The following METAP1 variants were observed in gnomAD, a reference collection of about 807,000 sequenced individuals.
METAP1 encodes the protein methionine aminopeptidase 1.
METAP1 carries 28 observed loss-of-function variants against 53.8 expected under a neutral mutation model. The observed-to-expected ratio is 0.52, with a 90% CI of 0.39 to 0.71. The LOEUF is 0.71. Among genes scored for constraint, METAP1 ranks in the 30% least tolerant of loss-of-function variants. The probability of loss-of-function intolerance (pLI) is 0.00; values close to 1 mark genes in which losing one functional copy is unlikely to be tolerated. For synonymous variants in METAP1, 181 were observed against 165.7 expected (o/e 1.09, Z -0.71); for missense variants, 389 against 479.8 (o/e 0.81, Z 1.77).
intron 6 of METAP1, among the ~76,000 whole-genome samples, chr4:99,042,621 T>C (rs143463453): frequency 5.9e-5 from 9 of 152,274 alleles, no homozygotes; most frequent in African/African-American, 1.7e-4. Context: ...CATAGTGATA[T>C]AGGCTTGTTT....
At chr4:99,027,334 A>G (rs1409640455) in intron 1 of METAP1, among the ~76,000 whole-genome samples, 1 of 151,094 alleles carries the variant, frequency 6.6e-6, no homozygotes, top group Non-Finnish European at 1.5e-5. Flanking sequence ...GGAAAAGGAG[A>G]TGGGGAAATG....
At chr4:99,019,134 C>A (rs1723941914) in intron 1 of METAP1, among the ~76,000 whole-genome samples, 1 of 152,192 alleles carries the variant, frequency 6.6e-6, no homozygotes, top group Admixed American at 6.5e-5. Flanking sequence ...TCTATATCTT[C>A]TAGGATTTTG....
At chr4:99,008,064 G>A (rs1231284547) in intron 1 of METAP1, among the ~76,000 whole-genome samples, 3 of 152,192 alleles carry the variant, frequency 2.0e-5, no homozygotes, top group Non-Finnish European at 2.9e-5. Context: ...GTTTTTAAAA[G>A]CAGCACACTA....
At chr4:99,025,614 A>G (rs1472170819) in intron 1 of METAP1, 1 of 500,330 alleles carries the variant, frequency 2.0e-6, no homozygotes, top group African/African-American at 2.1e-5. Flanking sequence ...CCAAAAAAAT[A>G]AAATTTGAAC....
Position 99,013,839 on chromosome 4 carries a change from A to C in METAP1, c.115-15028A>C, listed in dbSNP as rs183745014. Among the ~76,000 whole-genome samples the C allele has an allele frequency of 1.5e-3, 236 of 152,350 alleles. 1 individual carries two copies. Among genetic ancestry groups the C allele is most frequent in the African/African-American group, 5.6e-3 (231 of 41,590 alleles). On this transcript the variant is annotated intron_variant, in intron 1 of 10. Coordinates refer to ENST00000296411, the MANE Select transcript of METAP1 (RefSeq NM_015143.3). ...GAACAAGCTGGAGCAGCCTTGGAAT[A>C]CACACATCCTAACATTTAACCGGGG...
At chr4:99,041,813 T>A (rs1725888931) in intron 6 of METAP1, among the ~76,000 whole-genome samples, 1 of 151,644 alleles carries the variant, frequency 6.6e-6, no homozygotes, top group South Asian at 2.1e-4. Context: ...GTGATGGTAT[T>A]GTAAATTGGA....
At chr4:99,016,751 A>G (rs1220515778) in intron 1 of METAP1, among the ~76,000 whole-genome samples, 1 of 152,210 alleles carries the variant, frequency 6.6e-6, no homozygotes, top group Non-Finnish European at 1.5e-5. Context: ...TCTGCTTATT[A>G]GTTTTCTTAC....
intron 9 of METAP1, among the ~76,000 whole-genome samples, chr4:99,052,046 T>C (rs1169856749): frequency 6.6e-6 from 1 of 152,234 alleles, no homozygotes; most frequent in African/African-American, 2.4e-5. Flanking sequence ...ACCCTTGCAA[T>C]ATAGTGAATA....
At chr4:99,026,269 A>G (rs923684189) in intron 1 of METAP1, 7 of 985,210 alleles carry the variant, frequency 7.1e-6, no homozygotes, top group Non-Finnish European at 8.4e-6. Flanking sequence ...ATTGAAAACT[A>G]AAGTTTTACC....
At chr4:99,048,186 A>G (rs1726411130) in intron 8 of METAP1, among the ~76,000 whole-genome samples, 1 of 152,106 alleles carries the variant, frequency 6.6e-6, no homozygotes, top group East Asian at 1.9e-4. Context: ...CCTACTTCCA[A>G]CCCTTTAGTG....
chr4:99,051,762 TA>T (rs1434172662), intron 9 of METAP1, among the ~76,000 whole-genome samples: 6 of 152,096 alleles, frequency 3.9e-5, no homozygotes, highest in Non-Finnish European at 2.9e-5. Flanking sequence ...AGGGAAGTAT[TA>T]AACTATTGAG....
chr4:99,051,801 T>C (rs1212973615), intron 9 of METAP1, among the ~76,000 whole-genome samples: 2 of 152,072 alleles, frequency 1.3e-5, no homozygotes, highest in East Asian at 1.9e-4. Flanking sequence ...AGCAGAGATA[T>C]CTTTTGAAAT....
In METAP1 at chr4:99,039,549, A is replaced by G. The variant is rs1725691530; in HGVS notation, c.432+84A>G. On this transcript the variant is annotated intron_variant, in intron 5 of 10. Coordinates refer to ENST00000296411, the MANE Select transcript of METAP1 (RefSeq NM_015143.3). Reference sequence around the variant, plus strand: ...GTCAGTGGTTTGCTGATTTATAAAGATAGCAAATGTTATATTGTTAGACTG... The same window carrying G: ...GTCAGTGGTTTGCTGATTTATAAAGGTAGCAAATGTTATATTGTTAGACTG... The G allele has an allele frequency of 1.0e-5, 8 of 791,096 alleles. No homozygotes were observed. The South Asian group carries it at 1.4e-4, about 14-fold the overall frequency. 49.0% of individuals were successfully genotyped at this position (791,096 alleles called of 1,614,324 possible).
intron 9 of METAP1, among the ~76,000 whole-genome samples, chr4:99,053,960 C>T (rs1726911664): frequency 6.7e-6 from 1 of 148,910 alleles, no homozygotes; most frequent in African/African-American, 2.6e-5. Flanking sequence ...GAGGTGCTGT[C>T]ATCCAGGCTT....
chr4:99,035,748 A>T (rs1031784375), intron 4 of METAP1, among the ~76,000 whole-genome samples: 2 of 152,102 alleles, frequency 1.3e-5, no homozygotes, highest in South Asian at 4.1e-4. Flanking sequence ...TTTAATTTTA[A>T]TATTCCCTCC....
chr4:99,040,887 A>G (rs1179503064), intron 5 of METAP1, among the ~76,000 whole-genome samples, 156 bp from the exon 6 acceptor site: 1 of 150,876 alleles, frequency 6.6e-6, no homozygotes, highest in Non-Finnish European at 1.5e-5. Flanking sequence ...GTTTGTTTTT[A>G]TGTATTTACA....
At chr4:99,051,142 A>G (rs114794578) in intron 9 of METAP1, among the ~76,000 whole-genome samples, 1 of 152,264 alleles carries the variant, frequency 6.6e-6, no homozygotes, top group African/African-American at 2.4e-5. Flanking sequence ...AGGGGAGGGA[A>G]TGAAAACAGT....
intron 8 of METAP1, among the ~76,000 whole-genome samples, chr4:99,046,420 G>A (rs556858699): frequency 3.3e-5 from 5 of 152,192 alleles, no homozygotes; most frequent in Admixed American, 3.3e-4. Flanking sequence ...AGAAAAAAAA[G>A]AAAGGAAAGT....
At chr4:99,036,488 A>T (rs1416607207) in intron 4 of METAP1, among the ~76,000 whole-genome samples, 3 of 152,114 alleles carry the variant, frequency 2.0e-5, no homozygotes, top group African/African-American at 4.8e-5. Context: ...TAGTCCTTAG[A>T]GGTAACTGCT....
Sources: gnomAD v4.1 joint callset for allele counts (sites outside exome capture counted in the v4.1 genomes callset) on GRCh38, gnomAD v4.1.1 for gene constraint, MANE v1.5 for transcripts, NCBI Gene and HGNC (gene_info 2026-07-23, HGNC 2026-07-21) for gene names.